Variants in RGS3 observed in about 807,000 individuals in gnomAD.
RGS3 encodes the protein regulator of G protein signaling 3.
In RGS3, 80 loss-of-function variants were observed where a neutral mutation model predicts 132.6. The ratio of observed to expected loss-of-function variants is 0.60; its 90% CI spans 0.50 to 0.73. The LOEUF (loss-of-function observed/expected upper bound fraction) is 0.73. Ranked by LOEUF, RGS3 falls within the 30% of genes least tolerant of loss-of-function variation. The pLI, the probability that RGS3 is intolerant of heterozygous loss-of-function variation, is 0.00. For synonymous variants in RGS3, 598 were observed against 620.6 expected (o/e 0.96, Z 0.54); for missense variants, 1,382 against 1,530.8 (o/e 0.90, Z 1.62).
chr9:113,533,122 G>T (rs571380726), intron 18 of RGS3, among the ~76,000 whole-genome samples: 1 of 152,182 alleles, frequency 6.6e-6, no homozygotes, highest in Non-Finnish European at 1.5e-5. Context: ...GTCCTTAGCT[G>T]CTCTGAACCT....
At chr9:113,471,916 C>T (rs1227318216) in intron 3 of RGS3, among the ~76,000 whole-genome samples, 1 of 152,000 alleles carries the variant, frequency 6.6e-6, no homozygotes, top group Non-Finnish European at 1.5e-5. Context: ...AAAATGAAAG[C>T]AAGAAAGAAC....
intron 18 of RGS3, among the ~76,000 whole-genome samples, chr9:113,530,137 G>A (rs576298820): frequency 2.6e-5 from 4 of 152,262 alleles, no homozygotes; most frequent in South Asian, 4.1e-4. Context: ...TGGGAGGTGG[G>A]ACATGGTCTA....
chr9:113,484,284 T>C, intron 6 of RGS3, 52 bp downstream of exon 4: 1 of 855,714 alleles, frequency 1.2e-6, no homozygotes, highest in Non-Finnish European at 1.9e-6. Flanking sequence ...GGAGTGTTTA[T>C]CTGGAAACAG....
exon 17 of RGS3, chr9:113,522,944 C>T (rs1249449105): frequency 1.2e-6 from 2 of 1,613,284 alleles, no homozygotes; most frequent in East Asian, 2.2e-5. Context: ...CACTGTTTGC[C>T]TATTCGGACC....
intron 7 of RGS3, among the ~76,000 whole-genome samples, chr9:113,486,984 C>T (rs1312552976): frequency 1.2e-4 from 18 of 150,826 alleles, no homozygotes; most frequent in Middle Eastern, 3.2e-3. Flanking sequence ...ATCGGATCAC[C>T]GATAGAGACT....
At chr9:113,570,936 C>G (rs1027407182) in intron 19 of RGS3, among the ~76,000 whole-genome samples, 2 of 152,198 alleles carry the variant, frequency 1.3e-5, no homozygotes, top group African/African-American at 4.8e-5. Flanking sequence ...GCACCCGGCC[C>G]TTGTCCTGAC....
At chr9:113,469,284 C>T (rs956605785) in intron 3 of RGS3, among the ~76,000 whole-genome samples, 6 of 152,134 alleles carry the variant, frequency 3.9e-5, no homozygotes, top group African/African-American at 9.7e-5. Context: ...CTGGCTGGCA[C>T]GTGTTTCCAG....
chr9:113,552,160 T>G (rs1194627944), intron 19 of RGS3, among the ~76,000 whole-genome samples: 1 of 152,214 alleles, frequency 6.6e-6, no homozygotes, highest in East Asian at 1.9e-4. Flanking sequence ...AATATTTTAA[T>G]CAATTGGGAA....
intron 8 of RGS3, 28 bp downstream of exon 6, chr9:113,495,874 A>G: frequency 6.2e-7 from 1 of 1,600,850 alleles, no homozygotes; most frequent in Non-Finnish European, 8.6e-7. Flanking sequence ...TTCTGTCAGG[A>G]TCATCCCAAC....
intron 14 of RGS3, among the ~76,000 whole-genome samples, chr9:113,511,562 G>A (rs1831402890): frequency 6.6e-6 from 1 of 152,104 alleles, no homozygotes; most frequent in Non-Finnish European, 1.5e-5. Context: ...TACCATTCCA[G>A]ACCTCAGTTT....
chr9:113,594,338 A>G, intron 21 of RGS3, 92 bp from the exon 20 acceptor site: 1 of 1,593,588 alleles, frequency 6.3e-7, no homozygotes, highest in Middle Eastern at 1.7e-4. Context: ...ACGATGAAGG[A>G]GTAGGTGCCC....
At chr9:113,466,284 T>C (rs186391636) in intron 3 of RGS3, among the ~76,000 whole-genome samples, 1 of 152,364 alleles carries the variant, frequency 6.6e-6, no homozygotes, top group East Asian at 1.9e-4. Flanking sequence ...CCCCTGGCCT[T>C]CTACTGTGAG....
At chr9:113,503,127 C>T (rs376084683) in intron 10 of RGS3, among the ~76,000 whole-genome samples, 2 of 152,150 alleles carry the variant, frequency 1.3e-5, no homozygotes, top group South Asian at 2.1e-4. Flanking sequence ...GCTGTTCCTG[C>T]CCTGGACAGG....
intron 18 of RGS3, among the ~76,000 whole-genome samples, chr9:113,534,908 G>A (rs1832618551): frequency 1.3e-5 from 2 of 151,906 alleles, no homozygotes; most frequent in African/African-American, 4.8e-5. Flanking sequence ...GAGCCACTGT[G>A]ACCAGCCTAA....
chr9:113,583,958 C>A (rs1168147157), exon 20 of RGS3: 2 of 1,614,066 alleles, frequency 1.2e-6, no homozygotes, highest in South Asian at 1.1e-5. Context: ...CCACCTGCGG[C>A]CCCCAGGCCA....
chr9:113,501,530 G>T, intron 10 of RGS3: 1 of 1,535,272 alleles, frequency 6.5e-7, no homozygotes, highest in Non-Finnish European at 8.7e-7. Flanking sequence ...GCTGCTGGGG[G>T]AGAGCTGGGT....
rs1835691997 is a variant in RGS3 at position 113,595,081 on chromosome 9, T to C, written c.3244+101T>C. The stretch of plus-strand genomic sequence containing the variant: ...CTGGTGCTAGAGAGGCCGCCTTCCC[T>C]CTCCTCGGCCGTCAGGGTGTCCTTG... On this transcript the variant is annotated intron_variant, in intron 23 of 24. Transcript: ENST00000350696. 3.5e-6 allele frequency: 4 copies of C among 1,132,076 alleles called. No individual in the cohort carries two copies. In the Admixed American group the frequency reaches 7.5e-5, roughly 21 times the overall value. 70.1% of individuals were successfully genotyped at this position (1,132,076 alleles called of 1,614,324 possible). A position where few individuals can be genotyped will look rare whatever the true frequency, so the allele number is the denominator to read the frequency against.
chr9:113,520,981 C>T (rs1337432207), intron 16 of RGS3, among the ~76,000 whole-genome samples: 2 of 152,142 alleles, frequency 1.3e-5, no homozygotes, highest in South Asian at 2.1e-4. Flanking sequence ...TGGTCCCTGG[C>T]TGTGTGGCCA....
At chr9:113,508,492 C>G (rs780636860) in intron 13 of RGS3, 49 bp from the exon 12 acceptor site, 8 of 1,609,944 alleles carry the variant, frequency 5.0e-6, no homozygotes, top group Non-Finnish European at 6.8e-6. Context: ...CCTGGGCTGT[C>G]CTGCCCTGTT....
Sources: gnomAD v4.1 joint callset for allele counts (sites outside exome capture counted in the v4.1 genomes callset) on GRCh38, gnomAD v4.1.1 for gene constraint, MANE v1.5 for transcripts, NCBI Gene and HGNC (gene_info 2026-07-23, HGNC 2026-07-21) for gene names.